Variants in TCF7L2 observed in about 807,000 individuals in gnomAD.
TCF7L2 encodes transcription factor 7 like 2, also known as transcription factor 7-like 2.
Under a neutral mutation model 77.9 loss-of-function variants are expected in TCF7L2, and 23 were observed. The ratio of observed to expected loss-of-function variants is 0.30; its 90% CI spans 0.21 to 0.42. The LOEUF (loss-of-function observed/expected upper bound fraction) is 0.42. TCF7L2 is among the 10% of genes least tolerant of loss of function. The pLI is 1.00. For missense variants in TCF7L2, 654 were observed against 793.1 expected, an observed-to-expected ratio of 0.82 and a Z score of 2.11; for synonymous variants, 413 against 340.2, an observed-to-expected ratio of 1.21 and a Z score of -2.36.
intron 4 of TCF7L2, among the ~76,000 whole-genome samples, chr10:112,996,088 G>A (rs2043420230): frequency 6.6e-6 from 1 of 152,096 alleles, no homozygotes; most frequent in Non-Finnish European, 1.5e-5. Context: ...TATGCGGTGG[G>A]CATTCATTTA....
intron 4 of TCF7L2, among the ~76,000 whole-genome samples, chr10:112,990,806 G>A (rs901631904): frequency 3.3e-5 from 5 of 152,286 alleles, no homozygotes; most frequent in African/African-American, 1.2e-4. Context: ...CTTTAAAATG[G>A]TAATAACGTT....
At chr10:113,082,255 A>G (rs1364388994) in intron 5 of TCF7L2, among the ~76,000 whole-genome samples, 16 of 151,792 alleles carry the variant, frequency 1.1e-4, no homozygotes, top group Non-Finnish European at 2.9e-5. Context: ...AAACTAATTT[A>G]GTGTCAATAC....
chr10:113,082,482 C>T (rs557125817), intron 5 of TCF7L2, among the ~76,000 whole-genome samples: 1 of 152,250 alleles, frequency 6.6e-6, no homozygotes, highest in African/African-American at 2.4e-5. Flanking sequence ...TTGTTTTAAC[C>T]AGCAAACACC....
chr10:112,956,249 G>A (rs896732225), intron 3 of TCF7L2, among the ~76,000 whole-genome samples: 19 of 151,542 alleles, frequency 1.3e-4, no homozygotes, highest in African/African-American at 4.4e-4. Flanking sequence ...TTAAGTATGA[G>A]ACAACCTGGA....
Position 113,114,526 on chromosome 10 carries a change from G to A in TCF7L2, c.553-26658G>A, listed in dbSNP as rs146773864. Among the ~76,000 whole-genome samples, 492 of 152,210 alleles carry A rather than the reference G, an allele frequency of 3.2e-3. 2 individuals are homozygous for A. The highest frequency in any genetic ancestry group is 5.2e-3 in the South Asian group (25 of 4,818). On this transcript the variant is annotated intron_variant, in intron 5 of 13. Coordinates refer to ENST00000627217, the MANE Select transcript of TCF7L2 (RefSeq NM_001146274.2). ...TAGCAGGTCTGTATTTTCCTCCAGC[G>A]TGGAGTTTTGTCATTTCTAATGATG...
intron 5 of TCF7L2, among the ~76,000 whole-genome samples, chr10:113,091,281 TG>T (rs1176691091): frequency 1.3e-5 from 2 of 152,232 alleles, no homozygotes; most frequent in African/African-American, 2.4e-5. Context: ...TTCGCAAAAT[TG>T]GTATTATACC....
chr10:113,126,182 T>A (rs2065571484), intron 5 of TCF7L2: 1 of 152,020 alleles, frequency 6.6e-6, no homozygotes, highest in Admixed American at 6.5e-5. Context: ...CATATGGGTG[T>A]TTTTAATGAT....
chr10:113,041,921 C>T (rs922590141), intron 5 of TCF7L2, among the ~76,000 whole-genome samples: 2 of 152,134 alleles, frequency 1.3e-5, no homozygotes, highest in African/African-American at 2.4e-5. Context: ...AAAATCTCTT[C>T]GTTGTTCTCT....
intron 5 of TCF7L2, among the ~76,000 whole-genome samples, chr10:113,127,784 T>C (rs994879475): frequency 6.6e-6 from 1 of 152,052 alleles, no homozygotes; most frequent in Non-Finnish European, 1.5e-5. Flanking sequence ...AGTTTTTAGT[T>C]TGAAGAAATT....
intron 5 of TCF7L2, among the ~76,000 whole-genome samples, chr10:113,097,657 A>AC (rs1480549032): frequency 4.2e-5 from 6 of 141,516 alleles, no homozygotes; most frequent in Admixed American, 2.8e-4. Flanking sequence ...AAAAAAAAAA[A>AC]AAAAAAAAAA....
intron 4 of TCF7L2, among the ~76,000 whole-genome samples, chr10:112,986,618 T>A (rs550069095): frequency 6.6e-6 from 1 of 152,200 alleles, no homozygotes; most frequent in African/African-American, 2.4e-5. Context: ...TGCACACTTA[T>A]AAGTCACTGT....
chr10:112,983,062 T>G (rs960777585), intron 4 of TCF7L2, among the ~76,000 whole-genome samples: 15 of 152,122 alleles, frequency 9.9e-5, no homozygotes, highest in African/African-American at 3.4e-4. Context: ...GGGCATGAAA[T>G]TAGTGACAGC....
intron 4 of TCF7L2, among the ~76,000 whole-genome samples, chr10:113,038,775 T>A (rs566779405): frequency 6.6e-6 from 1 of 152,304 alleles, no homozygotes; most frequent in South Asian, 2.1e-4. Flanking sequence ...TTTACCTGTG[T>A]CTGTAAGGCT....
At chr10:112,978,633 ATTT>A (rs988727404) in intron 4 of TCF7L2, among the ~76,000 whole-genome samples, 4 of 126,846 alleles carry the variant, frequency 3.2e-5, no homozygotes, top group Non-Finnish European at 3.3e-5. Flanking sequence ...CGCCTGGCTA[ATTT>A]TTTTTTTTTT....
At chr10:113,043,497 C>T (rs977153005) in intron 5 of TCF7L2, among the ~76,000 whole-genome samples, 12 of 152,232 alleles carry the variant, frequency 7.9e-5, no homozygotes, top group African/African-American at 2.6e-4. Flanking sequence ...GAGAGGAAAT[C>T]GATTGCAACA....
At chr10:113,072,274 G>A (rs964938434) in intron 5 of TCF7L2, among the ~76,000 whole-genome samples, 4 of 151,724 alleles carry the variant, frequency 2.6e-5, no homozygotes, top group African/African-American at 9.7e-5. Context: ...CCAGGATGGT[G>A]TAGATCTCCT....
chr10:112,976,454 A>G (rs1239388070), intron 4 of TCF7L2, among the ~76,000 whole-genome samples: 1 of 152,130 alleles, frequency 6.6e-6, no homozygotes, highest in Non-Finnish European at 1.5e-5. Flanking sequence ...GTTACATTTG[A>G]CTAGAATATA....
At chr10:113,064,923 TC>T (rs1564844318) in intron 5 of TCF7L2, among the ~76,000 whole-genome samples, 1 of 152,236 alleles carries the variant, frequency 6.6e-6, no homozygotes, top group African/African-American at 2.4e-5. Context: ...CCTAAACTTG[TC>T]AATTGCCATT....
Position 113,046,457 on chromosome 10 carries a change from A to G in TCF7L2, c.552+6331A>G, listed in dbSNP as rs143804268. Among the ~76,000 whole-genome samples, 422 of 152,180 alleles carry G rather than the reference A, an allele frequency of 2.8e-3. 7 individuals are homozygous for G. Among genetic ancestry groups the G allele is most frequent in the Admixed American group, 8.8e-3 (134 of 15,282 alleles). ...CAATATGAACTCTTAAGAGAGTTCT[A>G]CCTTTAGGGAGCTGCAGTCTCTCTC... is the stretch of plus-strand genomic sequence containing the variant. On this transcript the variant is annotated intron_variant, in intron 5 of 13. Coordinates refer to ENST00000627217, the MANE Select transcript of TCF7L2 (RefSeq NM_001146274.2).
Sources: gnomAD v4.1 joint callset for allele counts (sites outside exome capture counted in the v4.1 genomes callset) on GRCh38, gnomAD v4.1.1 for gene constraint, MANE v1.5 for transcripts, NCBI Gene and HGNC (gene_info 2026-07-23, HGNC 2026-07-21) for gene names.